Variants in IPO7 observed in about 807,000 individuals in gnomAD.
The protein encoded by IPO7 is importin-7.
In IPO7, 13 loss-of-function variants were observed where a neutral mutation model predicts 136.4. The ratio of observed to expected loss-of-function variants is 0.10; its 90% confidence interval spans 0.06 to 0.15. The LOEUF (loss-of-function observed/expected upper bound fraction) is 0.15, where lower values mean the gene tolerates loss of function less well. Among genes scored for constraint, IPO7 ranks in the 10% least tolerant of loss-of-function variants. The pLI, the probability that IPO7 is intolerant of heterozygous loss-of-function variation, is 1.00. For synonymous variants in IPO7, 403 were observed against 404.4 expected, an observed-to-expected ratio of 1.00 and a Z score of 0.04; for missense variants, 857 against 1,240.6, an observed-to-expected ratio of 0.69 and a Z score of 4.65.
At chr11:9,406,562 T>C (rs1564994727) in intron 2 of IPO7, among the ~76,000 whole-genome samples, 1 of 152,074 alleles carries the variant, frequency 6.6e-6, no homozygotes, top group Non-Finnish European at 1.5e-5. Flanking sequence ...ATTTAAAATA[T>C]CATTAATTTA....
chr11:9,433,491 A>G (rs571920664), intron 16 of IPO7, 79 bp from the exon 17 acceptor site: 3 of 894,574 alleles, frequency 3.4e-6, no homozygotes, highest in African/African-American at 3.3e-5. Context: ...ATTTAAGTGT[A>G]CTGAATTATA....
At position 9,420,522 on chromosome 11, in the gene IPO7, A is replaced by G. The variant is rs374951222; in HGVS notation, c.821+17A>G. 11 of 1,581,530 alleles carry G rather than the reference A, an allele frequency of 7.0e-6. No individual in the cohort carries two copies. The highest frequency in any genetic ancestry group is 1.3e-5 in the African/African-American group (1 of 74,178). On this transcript the variant is annotated intron_variant, in intron 7 of 24. Transcript: ENST00000379719. ...TTTTGAAAGGTAATCTCATCCATAT[A>G]TGGTGATTTAAATTAATTTATTAAG...
chr11:9,436,582 A>G (rs1855371771), intron 20 of IPO7, among the ~76,000 whole-genome samples: 1 of 152,034 alleles, frequency 6.6e-6, no homozygotes. Context: ...CTACTTTGTT[A>G]TCATGAAAGG....
chr11:9,384,891 C>A, intron 1 of IPO7, 44 bp downstream of exon 1: 3 of 1,479,420 alleles, frequency 2.0e-6, no homozygotes, highest in Non-Finnish European at 2.8e-6. Context: ...GGCGGGTGGG[C>A]AGAAGTGGCA....
At chr11:9,426,913 C>CA (rs1386720433) in intron 12 of IPO7, among the ~76,000 whole-genome samples, 1 of 147,234 alleles carries the variant, frequency 6.8e-6, no homozygotes, top group African/African-American at 2.4e-5. Context: ...CTCCCCGCCC[C>CA]CCCGCCATAT....
chr11:9,402,399 C>CAAAAAAAA lies in IPO7; in HGVS notation c.85-870_85-863dup, dbSNP rs71062846. 1.8e-3 allele frequency among the ~76,000 whole-genome samples: 83 copies of CAAAAAAAA among 44,896 alleles called. 3 individuals are homozygous for CAAAAAAAA. Among genetic ancestry groups the CAAAAAAAA allele is most frequent in the African/African-American group, 9.2e-3 (77 of 8,348 alleles). 29.5% of individuals were successfully genotyped at this position (44,896 alleles called of 152,430 possible). On this transcript the variant is annotated intron_variant, in intron 1 of 24. Transcript: ENST00000379719. The stretch of plus-strand genomic sequence containing the variant: ...CAGGCGACAGAGCGAGACTGTGTCT[C>CAAAAAAAA]AAAAAAAAAAAAAAAAAAAAAAAAA...
At chr11:9,435,537 C>T (rs544214137) in intron 19 of IPO7, among the ~76,000 whole-genome samples, 281 of 152,210 alleles carry the variant, frequency 1.8e-3, no homozygotes, top group Non-Finnish European at 2.8e-3. Context: ...ATGATTTGCT[C>T]CATGAAGTTT....
rs1400283422 is a variant in IPO7, at chr11:9,425,168, T to A, written c.1241T>A (p.Phe414Tyr). 4.3e-6 allele frequency: 7 copies of A among 1,609,924 alleles called. No individual in the cohort carries two copies. Among genetic ancestry groups the A allele is most frequent in the Non-Finnish European group, 5.9e-6 (7 of 1,177,806 alleles). The change falls in exon 12 of 25, where the codon TTT becomes TAT. Residue 414 changes from phenylalanine to tyrosine, a missense_variant. Physicochemically the swap from Phe to Tyr is conservative, Grantham distance 22. Transcript: ENST00000379719. The stretch of plus-strand genomic sequence containing the variant: ...TAGGTACTGCAAAAGACTATGGGAT[T>A]TTGTTACCAGATTCTTACAGAACCA... The part of the protein sequence containing the change: ...RKEVLQKTMG[F>Y]CYQILTEPNA...
intron 1 of IPO7, among the ~76,000 whole-genome samples, chr11:9,402,181 C>A (rs1394994951): frequency 3.3e-5 from 5 of 152,074 alleles, no homozygotes; most frequent in African/African-American, 9.7e-5. Context: ...GCGGGCAGAT[C>A]ACAAGGTCAG....
At chr11:9,432,512 T>A (rs1214523868) in intron 16 of IPO7, among the ~76,000 whole-genome samples, 11 of 152,202 alleles carry the variant, frequency 7.2e-5, no homozygotes, top group Non-Finnish European at 1.0e-4. Context: ...GTAAACTGTT[T>A]TTGTATTCTG....
chr11:9,422,222 TG>T (rs1044810880), intron 8 of IPO7, among the ~76,000 whole-genome samples: 1 of 152,008 alleles, frequency 6.6e-6, no homozygotes, highest in African/African-American at 2.4e-5. Flanking sequence ...GAGTTTGCGG[TG>T]GGCCGAGATT....
chr11:9,437,885 C>T lies in IPO7; in HGVS notation c.2400C>T (p.Thr800=). Residue 800 remains threonine (T), a synonymous_variant, in exon 21 of 25, where the codon ACC becomes ACT. Coordinates refer to ENST00000379719, the MANE Select transcript of IPO7 (RefSeq NM_006391.3). ...LYYNPHLLLN[T]LENLRFPNNV... ...ATAATCCACACCTACTACTCAATAC[C>T]TTAGAAAATCTTCGCTTCCCTAATA... The T allele has an allele frequency of 1.2e-6, 2 of 1,613,644 alleles. No individual in the cohort carries two copies. The highest frequency in any genetic ancestry group is 1.3e-5 in the African/African-American group (1 of 75,006).
rs747284275 is a variant in IPO7 at position 9,406,960 on chromosome 11, C to T, written c.167-1526C>T. On this transcript the variant is annotated intron_variant, in intron 2 of 24. Coordinates refer to ENST00000379719, the MANE Select transcript of IPO7 (RefSeq NM_006391.3). ...TATGGTGGTTTCATCTGCTGGATTT[C>T]GAATGATTAGTTCATTCTGTCTTTG... Among the ~76,000 whole-genome samples, 23 of 152,160 alleles carry T rather than the reference C, an allele frequency of 1.5e-4. 1 individual carries two copies. Among genetic ancestry groups the T allele is most frequent in the Non-Finnish European group, 2.9e-4 (20 of 68,032 alleles).
At chr11:9,408,744 C>T in intron 3 of IPO7, 105 bp downstream of exon 3, 1 of 726,488 alleles carries the variant, frequency 1.4e-6, no homozygotes, top group Non-Finnish European at 2.0e-6. Flanking sequence ...ATGGACTTTC[C>T]CTCTGTGGCC....
At chr11:9,387,978 T>C (rs1365311013) in intron 1 of IPO7, among the ~76,000 whole-genome samples, 1 of 147,562 alleles carries the variant, frequency 6.8e-6, no homozygotes. Flanking sequence ...AGAAACCCCG[T>C]CTCTACTAAA....
At chr11:9,406,132 T>TC (rs1554953417) in intron 2 of IPO7, among the ~76,000 whole-genome samples, 3 of 145,686 alleles carry the variant, frequency 2.1e-5, no homozygotes, top group Non-Finnish European at 4.5e-5. Flanking sequence ...TTTTTTTTTT[T>TC]AGTAGAGACG....
intron 19 of IPO7, 58 bp from the exon 20 acceptor site, chr11:9,436,213 T>G: frequency 8.3e-7 from 1 of 1,211,204 alleles, no homozygotes. Flanking sequence ...TTTCCTTGAT[T>G]TAGATACCTG....
rs2133711633 is a variant in IPO7 at position 9,384,808 on chromosome 11, C to T, written c.45C>T (p.Asp15=). Residue 15 remains aspartate (D), a synonymous_variant, in exon 1 of 25, where the codon GAC becomes GAT. Coordinates refer to ENST00000379719, the MANE Select transcript of IPO7 (RefSeq NM_006391.3). ...TCGAGGCCCTGCGGGGCACTATGGA[C>T]CCAGCCCTGCGTGAGGCCGCGGAGC... is the stretch of plus-strand genomic sequence containing the variant. ...TIIEALRGTM[D]PALREAAERQ... is the part of the protein sequence containing the mutation. 2 of 1,607,390 alleles carry T rather than the reference C, an allele frequency of 1.2e-6. No homozygotes were observed. The highest frequency in any genetic ancestry group is 1.3e-5 in the African/African-American group (1 of 74,830).
intron 22 of IPO7, 152 bp downstream of exon 22, chr11:9,438,437 C>A (rs1032088960): frequency 1.3e-5 from 8 of 603,188 alleles, no homozygotes; most frequent in African/African-American, 1.3e-4. Flanking sequence ...CCAGCCTGGC[C>A]AGTATGGTGA....
Sources: allele counts gnomAD v4.1 joint callset (sites outside exome capture counted in the v4.1 genomes callset), GRCh38; gene constraint gnomAD v4.1.1; transcripts MANE v1.5; gene names NCBI Gene and HGNC (gene_info 2026-07-23, HGNC 2026-07-21).